MALRD1: variants seen among roughly 807,000 people sequenced by gnomAD.
The protein encoded by MALRD1 is MAM and LDL receptor class A domain containing 1, also known as MAM and LDL-receptor class A domain-containing protein 1.
Under a neutral mutation model 242.1 loss-of-function variants are expected in MALRD1, and 247 were observed. That is an observed-to-expected ratio of 1.02 (90% CI 0.92 to 1.13). The LOEUF is 1.13. Ranked by LOEUF, MALRD1 falls within the 50% of genes most tolerant of loss-of-function variation. The probability of loss-of-function intolerance (pLI) is 0.00; values close to 1 mark genes in which losing one functional copy is unlikely to be tolerated. For synonymous variants in MALRD1, 995 were observed against 866.6 expected (o/e 1.15, Z -2.60); for missense variants, 2,989 against 2,533.1 (o/e 1.18, Z -3.86).
rs536538519 is a variant in MALRD1 at position 19,224,797 on chromosome 10, C to T, written c.2991+15117C>T. Among the ~76,000 whole-genome samples, 7 of 152,242 alleles carry T rather than the reference C, an allele frequency of 4.6e-5. No individual in the cohort carries two copies. The South Asian group carries it at 1.5e-3, about 32-fold the overall frequency. ...CCACTCTGTAGGTTGTGTGTTCACT[C>T]CGATGATAGTGTCTTTTGCTGTGCA... On this transcript the variant is annotated intron_variant, in intron 18 of 39. Coordinates refer to ENST00000454679, the MANE Select transcript of MALRD1 (RefSeq NM_001142308.3).
At chr10:19,270,373 C>T (rs1258685239) in intron 19 of MALRD1, among the ~76,000 whole-genome samples, 1 of 146,646 alleles carries the variant, frequency 6.8e-6, no homozygotes, top group Admixed American at 6.9e-5. Flanking sequence ...CACACACACA[C>T]ACACCAGACT....
intron 35 of MALRD1, 118 bp downstream of exon 35, chr10:19,608,020 C>T: frequency 1.5e-6 from 2 of 1,335,252 alleles, no homozygotes; most frequent in Non-Finnish European, 2.0e-6. Flanking sequence ...AATTGAATTT[C>T]TATTCTTGGT....
intron 31 of MALRD1, 118 bp from the exon 32 acceptor site, chr10:19,531,076 T>A: frequency 1.3e-6 from 1 of 774,068 alleles, no homozygotes; most frequent in Non-Finnish European, 1.9e-6. Context: ...TCAAAATGAG[T>A]TCTGTTTGAT....
rs12253288 is a variant in MALRD1 at position 19,196,675 on chromosome 10, A to C, written c.1952-7053A>C. On this transcript the variant is annotated intron_variant, in intron 14 of 39. Transcript: ENST00000454679. ...CTCTTGACCTGACATGATCACTTGAATACCTAATAGGAACAGCAAGTGCAA... is the reference window on the plus strand; with the variant it reads ...CTCTTGACCTGACATGATCACTTGACTACCTAATAGGAACAGCAAGTGCAA... 8.2e-3 allele frequency among the ~76,000 whole-genome samples: 1,245 copies of C among 152,156 alleles called. 19 individuals carry two copies. Among genetic ancestry groups the C allele is most frequent in the African/African-American group, 0.028 (1,180 of 41,484 alleles).
At chr10:19,641,482 A>G (rs1276187922) in intron 36 of MALRD1, among the ~76,000 whole-genome samples, 2 of 152,154 alleles carry the variant, frequency 1.3e-5, no homozygotes, top group Non-Finnish European at 1.5e-5. Context: ...AAGATGTATA[A>G]TTTTGTTTTA....
At chr10:19,110,019 T>C (rs1454530715) in intron 5 of MALRD1, among the ~76,000 whole-genome samples, 2 of 152,200 alleles carry the variant, frequency 1.3e-5, no homozygotes, top group African/African-American at 4.8e-5. Flanking sequence ...GACAGGGCAG[T>C]AAAGATAGGG....
chr10:19,059,320 A>T (rs532133814), intron 1 of MALRD1, among the ~76,000 whole-genome samples: 2 of 150,482 alleles, frequency 1.3e-5, no homozygotes, highest in Non-Finnish European at 2.9e-5. Context: ...TTGGGCTTCT[A>T]TATCACTTTT....
intron 32 of MALRD1, among the ~76,000 whole-genome samples, chr10:19,553,419 C>A (rs1386919466): frequency 1.3e-5 from 2 of 151,866 alleles, no homozygotes. Context: ...ACCAATATGT[C>A]AGAATATAAA....
chr10:19,667,501 A>G (rs572878510), intron 36 of MALRD1, among the ~76,000 whole-genome samples: 14 of 152,152 alleles, frequency 9.2e-5, no homozygotes, highest in Middle Eastern at 3.4e-3. Context: ...TGTTTGGGTC[A>G]TGGGGACAGA....
intron 30 of MALRD1, among the ~76,000 whole-genome samples, chr10:19,496,386 A>T (rs989964311): frequency 5.9e-5 from 9 of 152,200 alleles, no homozygotes; most frequent in African/African-American, 2.2e-4. Context: ...TAAAAATAGA[A>T]ATCTATACCA....
At chr10:19,077,063 A>G (rs1835340860) in intron 2 of MALRD1, among the ~76,000 whole-genome samples, 1 of 151,970 alleles carries the variant, frequency 6.6e-6, no homozygotes, top group Non-Finnish European at 1.5e-5. Flanking sequence ...GCAACTTTAA[A>G]TGAGATTTTT....
chr10:19,109,588 C>T (rs904246866), intron 5 of MALRD1, among the ~76,000 whole-genome samples: 12 of 152,186 alleles, frequency 7.9e-5, no homozygotes, highest in African/African-American at 7.2e-5. Context: ...ACTGGAATGC[C>T]TCCTGGCAAT....
intron 1 of MALRD1, among the ~76,000 whole-genome samples, chr10:19,057,919 A>G (rs769679140): frequency 6.6e-6 from 1 of 152,202 alleles, no homozygotes. Flanking sequence ...AAAGAATGTG[A>G]TTGTTAAAAA....
chr10:19,700,442 A>G (rs1312782267), intron 38 of MALRD1, among the ~76,000 whole-genome samples: 1 of 152,196 alleles, frequency 6.6e-6, no homozygotes, highest in African/African-American at 2.4e-5. Flanking sequence ...GTGACCATAA[A>G]TTTATGAAAT....
intron 30 of MALRD1, among the ~76,000 whole-genome samples, chr10:19,494,995 AAGAC>A (rs1837648209): frequency 1.4e-5 from 2 of 143,398 alleles, no homozygotes; most frequent in African/African-American, 5.4e-5. Context: ...TTTTTTTTGT[AAGAC>A]AGAGTCTTGC....
intron 34 of MALRD1, among the ~76,000 whole-genome samples, chr10:19,602,831 A>G (rs1017634533): frequency 6.6e-6 from 1 of 152,024 alleles, no homozygotes; most frequent in African/African-American, 2.4e-5. Flanking sequence ...AAGTGTTCCT[A>G]TTTCTCCACA....
At chr10:19,297,295 T>G (rs1841750388) in intron 21 of MALRD1, among the ~76,000 whole-genome samples, 8 of 151,958 alleles carry the variant, frequency 5.3e-5, no homozygotes. Context: ...TTATAATTGT[T>G]TTCACTTTAT....
rs1252302360 is a variant in MALRD1, at chr10:19,290,726, C to G, written c.3419+7545C>G. Among the ~76,000 whole-genome samples, 15 of 152,096 alleles carry G rather than the reference C, an allele frequency of 9.9e-5. 1 individual carries two copies. Among genetic ancestry groups the G allele is most frequent in the Admixed American group, 9.8e-4 (15 of 15,266 alleles). On this transcript the variant is annotated intron_variant, in intron 21 of 39. Coordinates refer to ENST00000454679, the MANE Select transcript of MALRD1 (RefSeq NM_001142308.3). ...AGTTGGCAAAATTGTGAGTTCTCTT[C>G]AGCTGAGAAATTTTTTAAAAAATTA...
chr10:19,611,418 A>G (rs895001625), intron 35 of MALRD1, among the ~76,000 whole-genome samples: 28 of 152,004 alleles, frequency 1.8e-4, no homozygotes, highest in African/African-American at 6.5e-4. Flanking sequence ...TTTTATATGC[A>G]TGTTCCTGCT....
Sources: gnomAD v4.1 joint callset for allele counts (sites outside exome capture counted in the v4.1 genomes callset) on GRCh38, gnomAD v4.1.1 for gene constraint, MANE v1.5 for transcripts, NCBI Gene and HGNC (gene_info 2026-07-23, HGNC 2026-07-21) for gene names.